Variants in STAU2 observed in about 807,000 individuals in gnomAD.
STAU2 encodes staufen double-stranded RNA binding protein 2.
Under a neutral mutation model 65.9 loss-of-function variants are expected in STAU2, and 20 were observed. The ratio of observed to expected loss-of-function variants is 0.30; its 90% CI spans 0.21 to 0.44. The LOEUF is 0.44. STAU2 is among the 20% of genes least tolerant of loss of function. STAU2 has a pLI of 1.00. For synonymous variants in STAU2, 232 were observed against 233.9 expected (o/e 0.99, Z 0.07); for missense variants, 558 against 683.9 (o/e 0.82, Z 2.05).
chr8:73,606,477 A>G (rs1812044476), intron 9 of STAU2, among the ~76,000 whole-genome samples: 1 of 152,182 alleles, frequency 6.6e-6, no homozygotes, highest in South Asian at 2.1e-4. Context: ...GTGACAGTAA[A>G]CACATAAAAA....
intron 13 of STAU2, among the ~76,000 whole-genome samples, chr8:73,474,621 T>C (rs1449246870): frequency 6.6e-6 from 1 of 152,078 alleles, no homozygotes; most frequent in Non-Finnish European, 1.5e-5. Flanking sequence ...TGTATTCTGT[T>C]CATCTTAATG....
chr8:73,605,878 TAC>T (rs58486426), intron 9 of STAU2, among the ~76,000 whole-genome samples: 28,798 of 117,834 alleles, frequency 0.24, 2,958 homozygotes, highest in East Asian at 0.37. Flanking sequence ...CACACACACA[TAC>T]ACACACACAC....
intron 6 of STAU2, among the ~76,000 whole-genome samples, chr8:73,619,088 T>C (rs188137896): frequency 3.3e-5 from 5 of 152,262 alleles, no homozygotes; most frequent in Admixed American, 2.0e-4. Flanking sequence ...AGGTCCAAGA[T>C]AGAAATAATA....
chr8:73,426,670 A>G (rs963194064), intron 13 of STAU2, among the ~76,000 whole-genome samples: 6 of 152,092 alleles, frequency 3.9e-5, no homozygotes, highest in African/African-American at 1.4e-4. Context: ...GTAGTATTCC[A>G]TTGTATACAT....
At chr8:73,632,825 T>C (rs1814199704) in intron 6 of STAU2, among the ~76,000 whole-genome samples, 2 of 152,212 alleles carry the variant, frequency 1.3e-5, no homozygotes, top group African/African-American at 4.8e-5. Context: ...CAAAATGTAA[T>C]TCTAATATAA....
At chr8:73,433,793 G>A (rs1817496142) in intron 13 of STAU2, among the ~76,000 whole-genome samples, 2 of 151,856 alleles carry the variant, frequency 1.3e-5, no homozygotes, top group Admixed American at 1.3e-4. Flanking sequence ...GTGAGCCACC[G>A]TGCCTGGCCT....
intron 6 of STAU2, among the ~76,000 whole-genome samples, chr8:73,625,770 G>C (rs2129970562): frequency 6.6e-6 from 1 of 152,002 alleles, no homozygotes; most frequent in East Asian, 1.9e-4. Context: ...GTTCTATTTT[G>C]TTTCTCACTG....
At chr8:73,686,548 C>CAAAAA (rs111707785) in intron 5 of STAU2, among the ~76,000 whole-genome samples, 1 of 97,866 alleles carries the variant, frequency 1.0e-5, no homozygotes. Context: ...GACTCCCCCT[C>CAAAAA]AAAAAAAAAA....
chr8:73,741,005 A>AG (rs1413294482), intron 1 of STAU2, among the ~76,000 whole-genome samples: 1 of 140,810 alleles, frequency 7.1e-6, no homozygotes, highest in Non-Finnish European at 1.5e-5. Flanking sequence ...ACTTCATCTC[A>AG]GAAAAAAAAA....
intron 13 of STAU2, among the ~76,000 whole-genome samples, chr8:73,543,606 C>T (rs1213198520): frequency 6.6e-6 from 1 of 152,152 alleles, no homozygotes; most frequent in Non-Finnish European, 1.5e-5. Flanking sequence ...TCTGCCCTTG[C>T]ACCTACACCA....
intron 13 of STAU2, among the ~76,000 whole-genome samples, chr8:73,530,384 A>G (rs957037680): frequency 5.9e-5 from 9 of 152,208 alleles, no homozygotes; most frequent in African/African-American, 2.2e-4. Flanking sequence ...TGTAAAAGTC[A>G]GTACAACTGG....
intron 2 of STAU2, among the ~76,000 whole-genome samples, chr8:73,739,270 A>T (rs1806662422): frequency 6.6e-6 from 1 of 151,676 alleles, no homozygotes; most frequent in African/African-American, 2.4e-5. Flanking sequence ...TTGAAAACAG[A>T]TGCCAATGAA....
intron 5 of STAU2, among the ~76,000 whole-genome samples, chr8:73,680,443 A>AT (rs1818352404): frequency 1.3e-5 from 2 of 152,194 alleles, no homozygotes; most frequent in South Asian, 4.1e-4. Flanking sequence ...TCAAGGGATC[A>AT]TCCCGTGGGA....
intron 13 of STAU2, among the ~76,000 whole-genome samples, chr8:73,480,003 T>C (rs554984012): frequency 6.6e-5 from 10 of 152,006 alleles, no homozygotes; most frequent in Non-Finnish European, 8.8e-5. Flanking sequence ...CTAGATGACA[T>C]AGATGCTAGC....
At chr8:73,558,263 T>C (rs1234596716) in intron 12 of STAU2, among the ~76,000 whole-genome samples, 2 of 152,258 alleles carry the variant, frequency 1.3e-5, no homozygotes, top group Non-Finnish European at 2.9e-5. Context: ...CATGTCATGA[T>C]GGTTGTCCCT....
chr8:73,588,933 A>C (rs138945632), intron 11 of STAU2, among the ~76,000 whole-genome samples: 15 of 152,282 alleles, frequency 9.9e-5, no homozygotes, highest in African/African-American at 3.6e-4. Context: ...TGGACAAAAA[A>C]ATCAAGAACT....
intron 6 of STAU2, among the ~76,000 whole-genome samples, chr8:73,649,869 T>TTATTTTTATA (rs71269927): frequency 2.9e-4 from 21 of 71,628 alleles, no homozygotes; most frequent in South Asian, 6.2e-4. Context: ...CTATATAATT[T>TTATTTTTATA]TATATATATA....
At chr8:73,684,539 A>G (rs1818658345) in intron 5 of STAU2, among the ~76,000 whole-genome samples, 1 of 152,224 alleles carries the variant, frequency 6.6e-6, no homozygotes, top group South Asian at 2.1e-4. Flanking sequence ...TCTTCTAGAC[A>G]TTGGCTTAGG....
At chr8:73,486,100 T>C (rs560876923) in intron 13 of STAU2, among the ~76,000 whole-genome samples, 2 of 152,210 alleles carry the variant, frequency 1.3e-5, no homozygotes, top group African/African-American at 2.4e-5. Context: ...TATAAGTAAC[T>C]AACCTGTTAA....
Sources: gnomAD v4.1 joint callset for allele counts (sites outside exome capture counted in the v4.1 genomes callset) on GRCh38, gnomAD v4.1.1 for gene constraint, MANE v1.5 for transcripts, NCBI Gene and HGNC (gene_info 2026-07-23, HGNC 2026-07-21) for gene names.